PPFIA2: variants seen among roughly 807,000 people sequenced by gnomAD.
PPFIA2 encodes the protein liprin-alpha-2.
In PPFIA2, 46 loss-of-function variants were observed where a neutral mutation model predicts 175.5. The ratio of observed to expected loss-of-function variants is 0.26; its 90% CI spans 0.21 to 0.34. PPFIA2 has a LOEUF of 0.34. Among genes scored for constraint, PPFIA2 ranks in the 10% least tolerant of loss-of-function variants. The pLI is 1.00. For synonymous variants in PPFIA2, 568 were observed against 511.4 expected (o/e 1.11, Z -1.49); for missense variants, 1,179 against 1,506.1 (o/e 0.78, Z 3.60).
intron 9 of PPFIA2, among the ~76,000 whole-genome samples, chr12:81,380,877 C>T (rs537764394): frequency 2.0e-5 from 3 of 151,930 alleles, no homozygotes; most frequent in South Asian, 4.2e-4. Flanking sequence ...ACATGTGACT[C>T]GTCCTTAAAA....
At position 81,735,896 on chromosome 12, in the gene PPFIA2, G is replaced by A. The variant is rs914465474; in HGVS notation, c.249+18077C>T. Among the ~76,000 whole-genome samples the A allele has an allele frequency of 4.6e-5, 7 of 151,922 alleles. No individual in the cohort carries two copies. The South Asian group carries it at 6.2e-4, about 14-fold the overall frequency. The stretch of plus-strand genomic sequence containing the variant: ...GAAAATCAATTGACCATAAATCTAC[G>A]GGGTTATTCTTGTACTCTCTATCAT... On this transcript the variant is annotated intron_variant, in intron 3 of 32. Transcript: ENST00000549396.
At chr12:81,387,850 T>G (rs547829713) in intron 8 of PPFIA2, among the ~76,000 whole-genome samples, 3 of 152,152 alleles carry the variant, frequency 2.0e-5, no homozygotes, top group Non-Finnish European at 4.4e-5. Context: ...AGTGTACAGA[T>G]AGTTGTGTAC....
Position 81,405,912 on chromosome 12 carries a change from TA to T in PPFIA2, c.646-10del. On this transcript the variant is annotated splice_polypyrimidine_tract_variant and intron_variant, in intron 7 of 32. Transcript: ENST00000549396. ...TCACGCAAGGCAACAATCTGCAAAA[TA>T]AAAGCACTATGCCTTTAAAGTCTAA... The T allele has an allele frequency of 6.7e-7, 1 of 1,484,450 alleles. No individual in the cohort carries two copies. Among genetic ancestry groups the T allele is most frequent in the Non-Finnish European group, 9.2e-7 (1 of 1,086,176 alleles). 92.0% of individuals were successfully genotyped at this position (1,484,450 alleles called of 1,614,324 possible).
chr12:81,759,135 A>C (rs1305432824), intron 1 of PPFIA2, 145 bp downstream of exon 1: 2 of 151,168 alleles, frequency 1.3e-5, no homozygotes, highest in African/African-American at 4.9e-5. Flanking sequence ...TTCTCTGGAA[A>C]GGCAAACATC....
At chr12:81,388,835 G>A (rs2039520227) in intron 8 of PPFIA2, among the ~76,000 whole-genome samples, 1 of 151,908 alleles carries the variant, frequency 6.6e-6, no homozygotes, top group Non-Finnish European at 1.5e-5. Context: ...TCCCAGTTCA[G>A]TTAATTTACG....
At position 81,260,485 on chromosome 12, in the gene PPFIA2, A is replaced by G. The variant is rs2035055721; in HGVS notation, c.*34-825T>C. ...TATAATGCTATGTGTAGAATCTAAT[A>G]TAAACAGTATTTTGGGAGACCTCTT... On this transcript the variant is annotated intron_variant, in intron 32 of 32. Coordinates refer to ENST00000549396, the MANE Select transcript of PPFIA2 (RefSeq NM_003625.5). 5.3e-5 allele frequency: 8 copies of G among 152,316 alleles called. No individual in the cohort carries two copies. The South Asian group carries it at 1.7e-3, about 32-fold the overall frequency. The allele number at this position is 152,316 out of a possible 1,614,324, so 9.4% of individuals were successfully genotyped here.
intron 3 of PPFIA2, among the ~76,000 whole-genome samples, chr12:81,751,938 C>T (rs1274787741): frequency 6.6e-6 from 1 of 151,834 alleles, no homozygotes; most frequent in Non-Finnish European, 1.5e-5. Context: ...GAAGAGGAAA[C>T]ATTTAAAAAT....
At chr12:81,323,566 C>A (rs1325724005) in intron 22 of PPFIA2, among the ~76,000 whole-genome samples, 1 of 151,698 alleles carries the variant, frequency 6.6e-6, no homozygotes, top group Non-Finnish European at 1.5e-5. Flanking sequence ...GATACGGTTT[C>A]TTTAAAAAGA....
chr12:81,442,201 A>G (rs548010751), intron 6 of PPFIA2, among the ~76,000 whole-genome samples: 1 of 152,244 alleles, frequency 6.6e-6, no homozygotes, highest in South Asian at 2.1e-4. Flanking sequence ...TTACAAATTG[A>G]GATTATGTTG....
chr12:81,514,299 C>T (rs2147880896), intron 4 of PPFIA2, among the ~76,000 whole-genome samples: 1 of 152,000 alleles, frequency 6.6e-6, no homozygotes, highest in South Asian at 2.1e-4. Context: ...AACACCTTAT[C>T]TTTCTTTTAT....
chr12:81,533,832 A>T (rs1308585006), intron 4 of PPFIA2, among the ~76,000 whole-genome samples: 1 of 151,236 alleles, frequency 6.6e-6, no homozygotes, highest in African/African-American at 2.4e-5. Context: ...ATATATATAT[A>T]TTTCCTGAAG....
At chr12:81,517,432 G>C (rs1428975813) in intron 4 of PPFIA2, among the ~76,000 whole-genome samples, 1 of 152,130 alleles carries the variant, frequency 6.6e-6, no homozygotes, top group Non-Finnish European at 1.5e-5. Context: ...GCCTGCACCA[G>C]TGAAAATCAT....
chr12:81,359,530 G>T (rs1454158034), intron 15 of PPFIA2, among the ~76,000 whole-genome samples: 2 of 151,486 alleles, frequency 1.3e-5, no homozygotes, highest in Admixed American at 6.6e-5. Context: ...GTTTCATGAA[G>T]AACAAAGATC....
chr12:81,675,402 T>C (rs1303426943), intron 4 of PPFIA2: 2 of 152,030 alleles, frequency 1.3e-5, no homozygotes, highest in East Asian at 1.9e-4. Flanking sequence ...CAATCTTTCA[T>C]GTTTAGAAAC....
chr12:81,507,902 C>T (rs1046006861), intron 4 of PPFIA2, among the ~76,000 whole-genome samples: 4 of 152,246 alleles, frequency 2.6e-5, no homozygotes, highest in Non-Finnish European at 2.9e-5. Context: ...AAACATCTAT[C>T]ATTGAATCTG....
chr12:81,413,254 A>T (rs2143011662), intron 7 of PPFIA2, among the ~76,000 whole-genome samples: 1 of 151,948 alleles, frequency 6.6e-6, no homozygotes, highest in East Asian at 1.9e-4. Flanking sequence ...AAAAAAAATG[A>T]TGACAGGCTA....
rs1567688158 is a variant in PPFIA2 at position 81,642,728 on chromosome 12, C to CATTATGTATATAATATATACATA, written c.303+34062_303+34063insTATGTATATATTATATACATAAT. Among the ~76,000 whole-genome samples, 4 of 11,322 alleles carry CATTATGTATATAATATATACATA rather than the reference C, an allele frequency of 3.5e-4. 2 individuals carry two copies. The highest frequency in any genetic ancestry group is 5.4e-4 in the Non-Finnish European group (2 of 3,718). The allele number at this position is 11,322 out of a possible 152,430, so 7.4% of individuals were successfully genotyped here. A position where few individuals can be genotyped will look rare whatever the true frequency, so the allele number is the denominator to read the frequency against. On this transcript the variant is annotated intron_variant, in intron 4 of 32. Transcript: ENST00000549396. Reference sequence around the variant, plus strand: ...TATGTATGTATGTATTATATACATACATGTATATGTATGTATGTATTATAT... The same window carrying CATTATGTATATAATATATACATA: ...TATGTATGTATGTATTATATACATACATTATGTATATAATATATACATAATGTATATGTATGTATGTATTATAT...
chr12:81,665,782 A>G (rs1250217798), intron 4 of PPFIA2, among the ~76,000 whole-genome samples: 2 of 152,130 alleles, frequency 1.3e-5, no homozygotes, highest in East Asian at 1.9e-4. Flanking sequence ...ATTAAACTAA[A>G]GAGCTTCTGC....
At chr12:81,263,512 G>T in intron 30 of PPFIA2, 122 bp from the exon 31 acceptor site, 1 of 749,608 alleles carries the variant, frequency 1.3e-6, no homozygotes, top group Non-Finnish European at 2.0e-6. Flanking sequence ...GTATACGTAT[G>T]GAATCACGCT....
Sources: gnomAD v4.1 joint callset for allele counts (sites outside exome capture counted in the v4.1 genomes callset) on GRCh38, gnomAD v4.1.1 for gene constraint, MANE v1.5 for transcripts, NCBI Gene and HGNC (gene_info 2026-07-23, HGNC 2026-07-21) for gene names.